The following ZNF609 variants were observed in gnomAD, a reference collection of about 807,000 sequenced individuals.
The protein encoded by ZNF609 is zinc finger protein 609.
Under a neutral mutation model 109.5 loss-of-function variants are expected in ZNF609, and 11 were observed. The observed-to-expected ratio is 0.10, with a 90% CI of 0.06 to 0.17. The LOEUF is 0.17. Among genes scored for constraint, ZNF609 ranks in the 10% least tolerant of loss-of-function variants. ZNF609 has a pLI of 1.00. For synonymous variants in ZNF609, 646 were observed against 662.0 expected, an observed-to-expected ratio of 0.98 and a Z score of 0.37; for missense variants, 1,559 against 1,772.4, an observed-to-expected ratio of 0.88 and a Z score of 2.16.
At chr15:64,636,473 G>C (rs1435524523) in intron 3 of ZNF609, among the ~76,000 whole-genome samples, 1 of 152,164 alleles carries the variant, frequency 6.6e-6, no homozygotes, top group South Asian at 2.1e-4. Context: ...ATAATCAAAT[G>C]AAACTTTTAA....
rs758413589 is a variant in ZNF609, at chr15:64,641,234, T to TTTTTTTTTTTTG, written c.973+18182_973+18183insTTTTTTTTTTTG. ...CTTGTGCTTTCTTTTTTTTTTTTTT[T>TTTTTTTTTTTTG]GAGATGGAGTTTCGCTCTTGCTGCC... On this transcript the variant is annotated intron_variant, in intron 3 of 9. Transcript: ENST00000326648. 3.4e-3 allele frequency among the ~76,000 whole-genome samples: 485 copies of TTTTTTTTTTTTG among 140,744 alleles called. 9 individuals are homozygous for TTTTTTTTTTTTG. Among genetic ancestry groups the TTTTTTTTTTTTG allele is most frequent in the Middle Eastern group, 0.011 (3 of 264 alleles). The allele number at this position is 140,744 out of a possible 152,430, so 92.3% of individuals were successfully genotyped here. A position where few individuals can be genotyped will look rare whatever the true frequency, so the allele number is the denominator to read the frequency against.
At chr15:64,594,668 T>G (rs1895360118) in intron 2 of ZNF609, among the ~76,000 whole-genome samples, 1 of 151,896 alleles carries the variant, frequency 6.6e-6, no homozygotes, top group Non-Finnish European at 1.5e-5. Flanking sequence ...GGGCCATTGA[T>G]TTTAAACTCC....
upstream of ZNF609, among the ~76,000 whole-genome samples, chr15:64,460,115 T>C (rs1442967949): frequency 6.6e-6 from 1 of 151,964 alleles, no homozygotes; most frequent in African/African-American, 2.4e-5. Flanking sequence ...AGGGGTAAAA[T>C]GGATGAAACC....
chr15:64,678,427 C>A lies in ZNF609; in HGVS notation c.3714C>A (p.Asp1238Glu), dbSNP rs139024412. Residue 1238 changes from aspartate to glutamate, a missense_variant, in exon 6 of 10, where the codon GAC becomes GAA. Asp to Glu is a conservative substitution (Grantham distance 45, BLOSUM62 2). Transcript: ENST00000326648. ...MHGYSYSQSY[D>E]PNHPSYRSMP... ...GCTATTCCTACAGTCAGTCCTACGA[C>A]CCCAACCACCCCAGCTACCGGAGCA... The A allele has an allele frequency of 1.2e-3, 1,867 of 1,609,232 alleles. No individual in the cohort carries two copies. The highest frequency in any genetic ancestry group is 1.4e-3 in the Non-Finnish European group (1,607 of 1,177,370).
intron 2 of ZNF609, among the ~76,000 whole-genome samples, chr15:64,511,526 G>A (rs1893730783): frequency 6.7e-6 from 1 of 148,314 alleles, no homozygotes; most frequent in African/African-American, 2.5e-5. Flanking sequence ...GTCATACTTA[G>A]ACCAACCAAA....
In ZNF609 at chr15:64,500,001, G is replaced by C; in HGVS notation, c.582G>C (p.Arg194=). 2 of 1,614,170 alleles carry C rather than the reference G, an allele frequency of 1.2e-6. No homozygotes were observed. Among genetic ancestry groups the C allele is most frequent in the Non-Finnish European group, 1.7e-6 (2 of 1,180,048 alleles). The change falls in exon 2 of 10, where the codon CGG becomes CGC. Residue 194 remains arginine (R), a synonymous_variant. Coordinates refer to ENST00000326648, the MANE Select transcript of ZNF609 (RefSeq NM_015042.2). ...TCCAGCCAGTTCCCTTGGGAGGACG[G>C]GGTGGTCAGTATGATGGAAGTGCAG... ...GVLQPVPLGG[R]GGQYDGSAGV...
chr15:64,614,559 A>G (rs1475485672), intron 2 of ZNF609, among the ~76,000 whole-genome samples: 1 of 152,044 alleles, frequency 6.6e-6, no homozygotes, highest in Non-Finnish European at 1.5e-5. Context: ...AGACAAAAAT[A>G]AATAACTTAA....
intron 1 of ZNF609, among the ~76,000 whole-genome samples, chr15:64,466,771 G>A (rs1893020895): frequency 6.6e-6 from 1 of 152,086 alleles, no homozygotes; most frequent in Non-Finnish European, 1.5e-5. Flanking sequence ...TGCTTTCCTA[G>A]CACTCTCAGT....
intron 2 of ZNF609, chr15:64,501,790 A>G (rs1197672933): frequency 6.6e-6 from 1 of 152,180 alleles, no homozygotes; most frequent in African/African-American, 2.4e-5. Context: ...TTATGTTGCA[A>G]CCTTCTAAGC....
chr15:64,478,570 G>A (rs1331932083), intron 1 of ZNF609, among the ~76,000 whole-genome samples: 2 of 151,972 alleles, frequency 1.3e-5, no homozygotes, highest in Non-Finnish European at 2.9e-5. Context: ...TAGAGACAGG[G>A]TTTCACCATG....
At position 64,542,007 on chromosome 15, in the gene ZNF609, G is replaced by T. The variant is rs142841241; in HGVS notation, c.747+41841G>T. 7.4e-4 allele frequency among the ~76,000 whole-genome samples: 113 copies of T among 151,928 alleles called. 4 individuals are homozygous for T. The highest frequency in any genetic ancestry group is 2.6e-3 in the African/African-American group (109 of 41,412). On this transcript the variant is annotated intron_variant, in intron 2 of 9. Coordinates refer to ENST00000326648, the MANE Select transcript of ZNF609 (RefSeq NM_015042.2). The stretch of plus-strand genomic sequence containing the variant: ...CCCTTTAAAAAATAGGTTGAGTTGG[G>T]CATGGTAGTATAGACCTGTAATTCC...
chr15:64,476,005 A>G (rs971711508), intron 1 of ZNF609, among the ~76,000 whole-genome samples: 1 of 152,226 alleles, frequency 6.6e-6, no homozygotes, highest in Admixed American at 6.5e-5. Flanking sequence ...ATTCAAGGAC[A>G]AGCATTTGTT....
intron 3 of ZNF609, among the ~76,000 whole-genome samples, chr15:64,662,609 G>A (rs1400883596): frequency 5.3e-5 from 8 of 152,198 alleles, no homozygotes; most frequent in African/African-American, 1.9e-4. Flanking sequence ...ACAGGCATGA[G>A]CCACCATGCT....
intron 3 of ZNF609, among the ~76,000 whole-genome samples, chr15:64,645,105 C>CCCTCCCTTCCTTCCTTCCTT (rs370349955): frequency 1.1e-5 from 1 of 90,716 alleles, no homozygotes; most frequent in African/African-American, 5.1e-5. Context: ...CTCCCTCCCT[C>CCCTCCCTTCCTTCCTTCCTT]CCTTCCTTCC....
intron 5 of ZNF609, 139 bp downstream of exon 5, chr15:64,676,395 C>T (rs751229778): frequency 2.3e-5 from 16 of 681,334 alleles, no homozygotes; most frequent in Non-Finnish European, 3.6e-5. Context: ...GATTCTTTAC[C>T]TTTGTAAACT....
chr15:64,511,565 C>T (rs1234322538), intron 2 of ZNF609, among the ~76,000 whole-genome samples: 1 of 151,388 alleles, frequency 6.6e-6, no homozygotes, highest in Non-Finnish European at 1.5e-5. Context: ...CCTATAACAT[C>T]TGAATGTTAC....
intron 1 of ZNF609, among the ~76,000 whole-genome samples, chr15:64,473,545 A>G (rs1893123295): frequency 1.3e-5 from 2 of 151,368 alleles, no homozygotes; most frequent in African/African-American, 4.9e-5. Context: ...TGAATCATTC[A>G]CCAAATTACG....
At chr15:64,478,693 G>A (rs1010917655) in intron 1 of ZNF609, among the ~76,000 whole-genome samples, 1 of 151,950 alleles carries the variant, frequency 6.6e-6, no homozygotes, top group South Asian at 2.1e-4. Flanking sequence ...AATGAATTTT[G>A]TGGTGAACTC....
At chr15:64,629,439 C>G (rs1470950537) in intron 3 of ZNF609, among the ~76,000 whole-genome samples, 1 of 152,144 alleles carries the variant, frequency 6.6e-6, no homozygotes, top group Non-Finnish European at 1.5e-5. Flanking sequence ...GGTAAGTAGT[C>G]TAGGGCTGGT....
Sources: allele counts gnomAD v4.1 joint callset (sites outside exome capture counted in the v4.1 genomes callset), GRCh38; gene constraint gnomAD v4.1.1; transcripts MANE v1.5; gene names NCBI Gene and HGNC (gene_info 2026-07-23, HGNC 2026-07-21).